Variants in MCCC1 observed in about 807,000 individuals in gnomAD.
The protein encoded by MCCC1 is methylcrotonyl-CoA carboxylase subunit 1.
A neutral mutation model predicts 83.8 loss-of-function variants in MCCC1; 64 were observed. That is an observed-to-expected ratio of 0.76 (90% CI 0.62 to 0.94). The LOEUF is 0.94. Among genes scored for constraint, MCCC1 ranks in the 40% least tolerant of loss-of-function variants. The pLI, the probability that MCCC1 is intolerant of heterozygous loss-of-function variation, is 0.00. For synonymous variants in MCCC1, 322 were observed against 315.4 expected (o/e 1.02, Z -0.22); for missense variants, 807 against 904.7 (o/e 0.89, Z 1.39).
At chr3:183,035,008 C>T (rs1403462899) in intron 13 of MCCC1, among the ~76,000 whole-genome samples, 3 of 152,138 alleles carry the variant, frequency 2.0e-5, no homozygotes, top group Admixed American at 1.3e-4. Context: ...AAACTCCTGA[C>T]CTTAAGTGAT....
At chr3:183,101,504 G>C (rs111820259), upstream of MCCC1, among the ~76,000 whole-genome samples, 1,075 of 152,344 alleles carry the variant, frequency 7.1e-3, 15 homozygotes, top group African/African-American at 0.025. Context: ...GGGCCTTGGA[G>C]AACCTGTGTG....
intron 3 of MCCC1, among the ~76,000 whole-genome samples, chr3:183,090,648 G>A (rs900078302): frequency 1.3e-4 from 20 of 151,468 alleles, no homozygotes; most frequent in African/African-American, 4.4e-4. Context: ...GGAGTGCAAT[G>A]GCACGATCTC....
At chr3:183,076,761 T>G (rs6805277) in intron 4 of MCCC1, among the ~76,000 whole-genome samples, 3,671 of 152,296 alleles carry the variant, frequency 0.024, 159 homozygotes, top group African/African-American at 0.085. Context: ...TACCATAAAC[T>G]CGGCCAACCC....
At chr3:183,090,685 G>A (rs1657320884) in intron 3 of MCCC1, among the ~76,000 whole-genome samples, 1 of 152,088 alleles carries the variant, frequency 6.6e-6, no homozygotes, top group East Asian at 1.9e-4. Context: ...CGCCTCCCGG[G>A]TTCAAGCGAT....
chr3:183,073,753 A>G (rs1168452572), intron 4 of MCCC1, among the ~76,000 whole-genome samples: 1 of 152,224 alleles, frequency 6.6e-6, no homozygotes, highest in Non-Finnish European at 1.5e-5. Context: ...CTCAACATAC[A>G]TATTTTTTTC....
At chr3:183,067,433 T>A (rs1378524593) in intron 7 of MCCC1, among the ~76,000 whole-genome samples, 1 of 152,234 alleles carries the variant, frequency 6.6e-6, no homozygotes, top group Non-Finnish European at 1.5e-5. Context: ...TTGCTGCACT[T>A]TGTACAAATA....
intron 8 of MCCC1, among the ~76,000 whole-genome samples, chr3:183,055,213 C>A (rs368022242): frequency 1.2e-3 from 185 of 150,738 alleles, no homozygotes; most frequent in African/African-American, 4.3e-3. Flanking sequence ...ATCAGCCTGG[C>A]CAAGATGGTG....
At chr3:183,092,706 T>C (rs555868794) in intron 2 of MCCC1, among the ~76,000 whole-genome samples, 161 bp from the exon 3 acceptor site, 2 of 152,284 alleles carry the variant, frequency 1.3e-5, no homozygotes, top group Non-Finnish European at 2.9e-5. Context: ...TTAACTAATA[T>C]TAGACAGTGC....
chr3:183,080,567 C>T (rs934841420), intron 4 of MCCC1, among the ~76,000 whole-genome samples: 3 of 152,248 alleles, frequency 2.0e-5, no homozygotes, highest in African/African-American at 7.2e-5. Flanking sequence ...AACTTTCCCA[C>T]ATTTTCCTGT....
chr3:183,057,466 G>T, intron 7 of MCCC1, 44 bp from the exon 8 acceptor site: 1 of 1,413,202 alleles, frequency 7.1e-7, no homozygotes. Context: ...TGTTAGGGGT[G>T]ATAAATATCA....
intron 11 of MCCC1, among the ~76,000 whole-genome samples, chr3:183,039,375 C>T (rs1019779341): frequency 2.6e-5 from 4 of 152,180 alleles, no homozygotes; most frequent in African/African-American, 9.7e-5. Flanking sequence ...CAATGGCACA[C>T]AAGCTGGCTT....
chr3:183,080,492 T>C (rs1159816560), intron 4 of MCCC1, among the ~76,000 whole-genome samples: 2 of 152,206 alleles, frequency 1.3e-5, no homozygotes, highest in Non-Finnish European at 2.9e-5. Flanking sequence ...CAGCCTGGAC[T>C]TCACTGTCCA....
chr3:183,030,639 A>T (rs1197990053), intron 14 of MCCC1, among the ~76,000 whole-genome samples: 1 of 152,162 alleles, frequency 6.6e-6, no homozygotes, highest in Non-Finnish European at 1.5e-5. Flanking sequence ...ATGTTCACAA[A>T]AGTCAAATAC....
intron 1 of MCCC1, among the ~76,000 whole-genome samples, chr3:183,109,151 C>T (rs1437814918): frequency 1.3e-5 from 2 of 152,074 alleles, no homozygotes; most frequent in African/African-American, 2.4e-5. Context: ...GCCACCATGC[C>T]CAGCTAATTT....
In MCCC1 at chr3:183,099,413, GCACCGA is replaced by G; in HGVS notation, c.22_27del (p.Ser8_Val9del). On this transcript the variant is annotated inframe_deletion, in exon 1 of 19. Coordinates refer to ENST00000265594, the MANE Select transcript of MCCC1 (RefSeq NM_020166.5). ...CGGTTCCTCTCCGCCGCCACCAGCA[GCACCGA>G]CACCGCAGAGGCCGCCGCCATGTCC... 4 of 1,607,818 alleles carry G rather than the reference GCACCGA, an allele frequency of 2.5e-6. No individual in the cohort carries two copies. Among genetic ancestry groups the G allele is most frequent in the Non-Finnish European group, 3.4e-6 (4 of 1,178,258 alleles).
chr3:183,089,932 G>T (rs1210141705), intron 3 of MCCC1, among the ~76,000 whole-genome samples: 1 of 152,326 alleles, frequency 6.6e-6, no homozygotes, highest in Non-Finnish European at 1.5e-5. Flanking sequence ...TTGAAGTGGA[G>T]ATGTTGAATG....
chr3:183,051,363 G>C (rs1714962700), intron 9 of MCCC1, among the ~76,000 whole-genome samples: 1 of 152,132 alleles, frequency 6.6e-6, no homozygotes, highest in South Asian at 2.1e-4. Context: ...GAGCTATCAA[G>C]CCATGAAAAG....
chr3:183,106,659 G>T (rs1719412055), intron 1 of MCCC1, among the ~76,000 whole-genome samples: 5 of 151,872 alleles, frequency 3.3e-5, no homozygotes, highest in African/African-American at 9.7e-5. Flanking sequence ...ACCATACCAG[G>T]CTAATTTTTG....
intron 14 of MCCC1, among the ~76,000 whole-genome samples, chr3:183,026,956 G>A (rs1304905290): frequency 6.6e-6 from 1 of 152,188 alleles, no homozygotes; most frequent in Non-Finnish European, 1.5e-5. Context: ...ACATTCTGCA[G>A]ATACTATGTT....
Sources: allele counts gnomAD v4.1 joint callset (sites outside exome capture counted in the v4.1 genomes callset), GRCh38; gene constraint gnomAD v4.1.1; transcripts MANE v1.5; gene names NCBI Gene and HGNC (gene_info 2026-07-23, HGNC 2026-07-21).